SCAI: variants seen among roughly 807,000 people sequenced by gnomAD.
The protein encoded by SCAI is protein SCAI.
In SCAI, 24 loss-of-function variants were observed where a neutral mutation model predicts 92.2. That is an observed-to-expected ratio of 0.26 (90% CI 0.19 to 0.37). The LOEUF (loss-of-function observed/expected upper bound fraction) is 0.37, where lower values mean the gene tolerates loss of function less well. Ranked by LOEUF, SCAI falls within the 10% of genes least tolerant of loss-of-function variation. The pLI, the probability that SCAI is intolerant of heterozygous loss-of-function variation, is 1.00. For synonymous variants in SCAI, 261 were observed against 258.6 expected, an observed-to-expected ratio of 1.01 and a Z score of -0.09; for missense variants, 450 against 736.2, an observed-to-expected ratio of 0.61 and a Z score of 4.50.
Position 124,999,932 on chromosome 9 carries a change from A to G in SCAI, c.1203T>C (p.Asp401=). 3 of 1,598,372 alleles carry G rather than the reference A, an allele frequency of 1.9e-6. No individual in the cohort carries two copies. Among genetic ancestry groups the G allele is most frequent in the Admixed American group, 1.7e-5 (1 of 58,466 alleles). Residue 401 remains aspartate, a synonymous_variant, in exon 13 of 18, where the codon GAT becomes GAC. Transcript: ENST00000336505. ...TNSNRDIING[D]AIHKRNQSHK... ...GGGACTGATTTCGTTTGTGGATGGC[A>G]TCTCCATTAATAATATCCCGGTTAC...
At chr9:124,963,159 G>A (rs770584833) in intron 17 of SCAI, among the ~76,000 whole-genome samples, 3 of 149,120 alleles carry the variant, frequency 2.0e-5, no homozygotes, top group African/African-American at 5.0e-5. Flanking sequence ...CCCCCGAGAC[G>A]GAGTTTTGCT....
chr9:125,110,075 C>T (rs559551272), intron 2 of SCAI, among the ~76,000 whole-genome samples: 1 of 152,234 alleles, frequency 6.6e-6, no homozygotes, highest in Non-Finnish European at 1.5e-5. Context: ...AGAATCTACC[C>T]ACTAGTTGAT....
At chr9:125,052,097 T>G (rs1175837734) in intron 3 of SCAI, among the ~76,000 whole-genome samples, 1 of 152,024 alleles carries the variant, frequency 6.6e-6, no homozygotes, top group African/African-American at 2.4e-5. Context: ...CAGACCTAAA[T>G]GTAAGAGCTA....
intron 2 of SCAI, among the ~76,000 whole-genome samples, chr9:125,103,924 T>A (rs1376974922): frequency 6.6e-6 from 1 of 152,110 alleles, no homozygotes; most frequent in African/African-American, 2.4e-5. Context: ...TCTAACCCAT[T>A]CCAGACAGAT....
At chr9:125,109,885 G>A (rs540988240) in intron 2 of SCAI, among the ~76,000 whole-genome samples, 36 of 152,038 alleles carry the variant, frequency 2.4e-4, no homozygotes, top group Admixed American at 1.5e-3. Context: ...ATGGGGTTTC[G>A]CCATGATGGC....
chr9:125,069,162 G>A (rs575541351), intron 2 of SCAI, among the ~76,000 whole-genome samples: 90 of 151,958 alleles, frequency 5.9e-4, no homozygotes, highest in African/African-American at 2.1e-3. Flanking sequence ...AGGTTGCAGT[G>A]AGCCAAGATC....
chr9:125,108,975 A>C (rs1385658246), intron 2 of SCAI, among the ~76,000 whole-genome samples: 1 of 152,242 alleles, frequency 6.6e-6, no homozygotes. Context: ...CTGTGTAGAA[A>C]GAAGTAGACA....
chr9:125,118,784 A>G (rs1835102965), intron 2 of SCAI, among the ~76,000 whole-genome samples: 1 of 151,816 alleles, frequency 6.6e-6, no homozygotes, highest in Admixed American at 6.6e-5. Context: ...CCCACTTATG[A>G]GTGAGAACAT....
At chr9:125,105,586 T>A (rs1327652629) in intron 2 of SCAI, among the ~76,000 whole-genome samples, 2 of 152,212 alleles carry the variant, frequency 1.3e-5, no homozygotes, top group African/African-American at 4.8e-5. Flanking sequence ...GTACAGTGTA[T>A]CTGAATGTGT....
chr9:124,953,202 G>A (rs994122594), intron 17 of SCAI, among the ~76,000 whole-genome samples: 1 of 152,126 alleles, frequency 6.6e-6, no homozygotes, highest in Non-Finnish European at 1.5e-5. Context: ...GAGGCCTATT[G>A]TTGCTAGACA....
chr9:125,088,413 A>C (rs1431854999), intron 2 of SCAI, among the ~76,000 whole-genome samples: 1 of 152,060 alleles, frequency 6.6e-6, no homozygotes, highest in Non-Finnish European at 1.5e-5. Flanking sequence ...GGTTGTTTAG[A>C]AGTGTGTAGC....
At chr9:124,976,972 G>C (rs1831771810) in intron 14 of SCAI, among the ~76,000 whole-genome samples, 1 of 151,764 alleles carries the variant, frequency 6.6e-6, no homozygotes, top group Non-Finnish European at 1.5e-5. Flanking sequence ...TGGTTCAAGC[G>C]ATTCTCCTGC....
intron 9 of SCAI, among the ~76,000 whole-genome samples, chr9:125,004,952 C>T (rs1199442101): frequency 6.7e-6 from 1 of 149,374 alleles, no homozygotes; most frequent in African/African-American, 2.5e-5. Context: ...CCACACCAGG[C>T]TAATTTTGTA....
At chr9:125,010,030 T>A (rs1374441499) in intron 9 of SCAI, among the ~76,000 whole-genome samples, 2 of 152,250 alleles carry the variant, frequency 1.3e-5, no homozygotes, top group African/African-American at 2.4e-5. Context: ...CTGTCTCTAC[T>A]AAAAATACAA....
intron 2 of SCAI, among the ~76,000 whole-genome samples, chr9:125,137,747 C>T (rs554779607): frequency 1.4e-4 from 21 of 152,192 alleles, no homozygotes; most frequent in Non-Finnish European, 2.1e-4. Flanking sequence ...ATTACAGGCA[C>T]GCGCCACCAT....
rs1238149301 is a variant in SCAI at position 124,950,624 on chromosome 9, T to G, written c.*2183A>C. The G allele has an allele frequency of 6.6e-6, 1 of 152,062 alleles. No individual in the cohort carries two copies. Among genetic ancestry groups the G allele is most frequent in the African/African-American group, 2.4e-5 (1 of 41,400 alleles). 9.4% of individuals were successfully genotyped at this position (152,062 alleles called of 1,614,324 possible). A position where few individuals can be genotyped will look rare whatever the true frequency, so the allele number is the denominator to read the frequency against. Reference sequence around the variant, plus strand: ...ACTAAAGGAAAGCTATGAAGTTTATTAAGATACTGAAAAAAAAGGAAAGCA... The same window carrying G: ...ACTAAAGGAAAGCTATGAAGTTTATGAAGATACTGAAAAAAAAGGAAAGCA... On this transcript the variant is annotated 3_prime_UTR_variant, in exon 18 of 18. Transcript: ENST00000336505.
intron 17 of SCAI, among the ~76,000 whole-genome samples, chr9:124,964,596 G>A (rs1318901054): frequency 6.6e-6 from 1 of 152,098 alleles, no homozygotes; most frequent in East Asian, 1.9e-4. Context: ...GAACCTTAAA[G>A]GTCCTTAGGA....
chr9:124,944,466 A>ATT lies in SCAI; in HGVS notation c.*8339_*8340dup, dbSNP rs71374207. On this transcript the variant is annotated 3_prime_UTR_variant, in exon 18 of 18. Transcript: ENST00000336505. ...AGGCGCACACCACCATGCCTGGCTA[A>ATT]TTTTTTTTTTTTTTTTTTTTTTTTT... 14,560 of 84,682 alleles carry ATT rather than the reference A, an allele frequency of 0.17. 1,456 individuals carry two copies. The highest frequency in any genetic ancestry group is 0.21 in the Non-Finnish European group (9,958 of 47,464). The allele number at this position is 84,682 out of a possible 1,614,324, so 5.2% of individuals were successfully genotyped here. A position where few individuals can be genotyped will look rare whatever the true frequency, so the allele number is the denominator to read the frequency against.
chr9:124,962,180 G>GGA (rs1831452301), intron 17 of SCAI, among the ~76,000 whole-genome samples: 2 of 132,092 alleles, frequency 1.5e-5, no homozygotes, highest in Admixed American at 8.3e-5. Context: ...TGCGGGGGGG[G>GGA]ATGGAGTCTT....
Sources: allele counts gnomAD v4.1 joint callset (sites outside exome capture counted in the v4.1 genomes callset), GRCh38; gene constraint gnomAD v4.1.1; transcripts MANE v1.5; gene names NCBI Gene and HGNC (gene_info 2026-07-23, HGNC 2026-07-21).